Variants in PPIP5K2 observed in about 807,000 individuals in gnomAD.
PPIP5K2 encodes the protein inositol hexakisphosphate and diphosphoinositol-pentakisphosphate kinase 2.
A neutral mutation model predicts 154.6 loss-of-function variants in PPIP5K2; 105 were observed. The ratio of observed to expected loss-of-function variants is 0.68; its 90% CI spans 0.58 to 0.80. The LOEUF (loss-of-function observed/expected upper bound fraction) is 0.80, where lower values mean the gene tolerates loss of function less well. PPIP5K2 is among the 30% of genes least tolerant of loss of function. The pLI is 0.00. For missense variants in PPIP5K2, 992 were observed against 1,504.6 expected, an observed-to-expected ratio of 0.66 and a Z score of 5.64; for synonymous variants, 480 against 490.3, an observed-to-expected ratio of 0.98 and a Z score of 0.28.
At chr5:103,141,161 G>A (rs557416652) in intron 5 of PPIP5K2, among the ~76,000 whole-genome samples, 4 of 152,314 alleles carry the variant, frequency 2.6e-5, no homozygotes, top group South Asian at 4.1e-4. Flanking sequence ...GTGAAACCCC[G>A]TCTTGTGTCC....
At chr5:103,176,840 G>A (rs1554221083) in intron 21 of PPIP5K2, 2 of 1,299,472 alleles carry the variant, frequency 1.5e-6, no homozygotes, top group East Asian at 5.3e-5. Context: ...TTTCAGTTCT[G>A]ATGCTCTATG....
Position 103,131,490 on chromosome 5 carries a change from A to C in PPIP5K2, c.114+1787A>C, listed in dbSNP as rs1346169029. Among the ~76,000 whole-genome samples the C allele has an allele frequency of 2.0e-5, 3 of 152,216 alleles. No homozygotes were observed. The East Asian group carries it at 5.8e-4, about 29-fold the overall frequency. ...AATTGAATCCATGGATGTAAAACCCATGGATATGGAGGGCCAACTGTACTT... is the reference window on the plus strand; with the variant it reads ...AATTGAATCCATGGATGTAAAACCCCTGGATATGGAGGGCCAACTGTACTT... On this transcript the variant is annotated intron_variant, in intron 2 of 30. Transcript: ENST00000358359.
intron 30 of PPIP5K2, among the ~76,000 whole-genome samples, chr5:103,199,980 T>C (rs1398676751): frequency 6.6e-6 from 1 of 152,202 alleles, no homozygotes; most frequent in Non-Finnish European, 1.5e-5. Flanking sequence ...TTCTGTTTCT[T>C]AGTATATTAA....
intron 13 of PPIP5K2, 27 bp from the exon 14 acceptor site, chr5:103,155,882 T>G: frequency 2.8e-6 from 4 of 1,418,468 alleles, no homozygotes; most frequent in Non-Finnish European, 4.0e-6. Flanking sequence ...CTACATGTTC[T>G]ATTCTGTTTA....
Position 103,177,698 on chromosome 5 carries a change from T to C in PPIP5K2, c.2561T>C (p.Met854Thr). 1 of 1,610,906 alleles carries C rather than the reference T, an allele frequency of 6.2e-7. No individual in the cohort carries two copies. Among genetic ancestry groups the C allele is most frequent in the Non-Finnish European group, 8.5e-7 (1 of 1,178,682 alleles). Reference protein sequence around the residue: ...ESKDEQWKRAMDYLNVVNELN... With the variant: ...ESKDEQWKRATDYLNVVNELN... ...AAGGATGAACAGTGGAAACGAGCTA[T>C]GGATTATTTAAACGTTGTCAATGAG... The change falls in exon 22 of 31, where the codon ATG (methionine) becomes ACG (threonine). Residue 854 changes from methionine to threonine, a missense_variant. Physicochemically the swap from Met to Thr is moderately conservative, Grantham distance 81 (BLOSUM62 -1). Around this residue, in one of 9 missense-constraint regions of PPIP5K2, gnomAD observed 157 missense variants for 281.2 expected, o/e 0.56. Coordinates refer to ENST00000358359, the MANE Select transcript of PPIP5K2 (RefSeq NM_001276277.3).
chr5:103,201,660 T>C lies in PPIP5K2; in HGVS notation c.*26T>C. On this transcript the variant is annotated 3_prime_UTR_variant, in exon 31 of 31. Transcript: ENST00000358359. ...AATCTTAGCAGAAGCTGGAACTTTT[T>C]ATACTTATAAAAATAGTATGTTCTT... 1 of 1,453,558 alleles carries C rather than the reference T, an allele frequency of 6.9e-7. No individual in the cohort carries two copies. Among genetic ancestry groups the C allele is most frequent in the East Asian group, 2.3e-5 (1 of 43,598 alleles). The allele number at this position is 1,453,558 out of a possible 1,614,324, so 90.0% of individuals were successfully genotyped here. A position where few individuals can be genotyped will look rare whatever the true frequency, so the allele number is the denominator to read the frequency against.
chr5:103,197,795 C>T (rs1802346564), intron 30 of PPIP5K2, among the ~76,000 whole-genome samples: 1 of 151,572 alleles, frequency 6.6e-6, no homozygotes, highest in Non-Finnish European at 1.5e-5. Flanking sequence ...CCAGGCTGGT[C>T]TCGAACTCCT....
intron 10 of PPIP5K2, 125 bp from the exon 11 acceptor site, chr5:103,153,723 A>G (rs1794982986): frequency 3.4e-6 from 2 of 594,040 alleles, no homozygotes; most frequent in Non-Finnish European, 5.8e-6. Context: ...ATTATTCTTC[A>G]TGGGAAAGAT....
intron 24 of PPIP5K2, among the ~76,000 whole-genome samples, chr5:103,180,673 C>A (rs1326827473): frequency 6.6e-6 from 1 of 151,380 alleles, no homozygotes; most frequent in East Asian, 1.9e-4. Flanking sequence ...CATAGTGAAA[C>A]CCCCGTCTCT....
At chr5:103,149,774 G>GCAACCTCTGCCTCC (rs1233839346) in intron 8 of PPIP5K2, among the ~76,000 whole-genome samples, 5 of 150,834 alleles carry the variant, frequency 3.3e-5, no homozygotes, top group South Asian at 4.2e-4. Context: ...TTGGCTCACT[G>GCAACCTCTGCCTCC]CAACCTCTGC....
At chr5:103,144,080 T>C (rs1478978112) in intron 5 of PPIP5K2, among the ~76,000 whole-genome samples, 1 of 152,066 alleles carries the variant, frequency 6.6e-6, no homozygotes, top group African/African-American at 2.4e-5. Context: ...TTCAGTAAAG[T>C]TGCAGGATAC....
intron 5 of PPIP5K2, among the ~76,000 whole-genome samples, chr5:103,145,062 GA>G (rs200742889): frequency 2.7e-3 from 406 of 149,170 alleles, no homozygotes; most frequent in African/African-American, 7.5e-3. Flanking sequence ...AGCTCTATAG[GA>G]AAAAAAAAAT....
At chr5:103,148,622 A>G (rs1404503452) in intron 7 of PPIP5K2, among the ~76,000 whole-genome samples, 1 of 152,144 alleles carries the variant, frequency 6.6e-6, no homozygotes, top group Non-Finnish European at 1.5e-5. Context: ...GCCATACAAG[A>G]TATTTCAGTC....
rs1803485962 is a variant in PPIP5K2 at position 103,205,832 on chromosome 5, T to A, written c.*4198T>A. On this transcript the variant is annotated 3_prime_UTR_variant, in exon 31 of 31. Coordinates refer to ENST00000358359, the MANE Select transcript of PPIP5K2 (RefSeq NM_001276277.3). ...ACTTTTTGTTCTATAAATTGTCAGA[T>A]ATTAAGATTATGACCTATGCTTTAT... The A allele has an allele frequency of 6.6e-6, 1 of 152,212 alleles. No homozygotes were observed. The highest frequency in any genetic ancestry group is 2.1e-4 in the South Asian group (1 of 4,832). The allele number at this position is 152,212 out of a possible 1,614,324, so 9.4% of individuals were successfully genotyped here. A position where few individuals can be genotyped will look rare whatever the true frequency, so the allele number is the denominator to read the frequency against.
Position 103,194,975 on chromosome 5 carries a change from T to A in PPIP5K2, c.3569T>A (p.Leu1190His), listed in dbSNP as rs1801842166. Residue 1190 changes from leucine (L) to histidine (H), a missense_variant, in exon 30 of 31, where the codon CTC becomes CAC. Transcript: ENST00000358359. Reference sequence around the variant, plus strand: ...AATACGTATACACCTGCAAAGATCCTCCCAACACCACCAGCTACCTTAAAG... The same window carrying A: ...AATACGTATACACCTGCAAAGATCCACCCAACACCACCAGCTACCTTAAAG... ...SLNTYTPAKI[L>H]PTPPATLKST... 19 of 1,613,812 alleles carry A rather than the reference T, an allele frequency of 1.2e-5. No individual in the cohort carries two copies. The East Asian group carries it at 4.2e-4, about 36-fold the overall frequency.
intron 17 of PPIP5K2, among the ~76,000 whole-genome samples, chr5:103,165,461 A>G (rs782709366): frequency 2.0e-5 from 3 of 152,114 alleles, no homozygotes; most frequent in Non-Finnish European, 4.4e-5. Context: ...TTTTTTTTAC[A>G]CTAAAATAAT....
rs782033259 is a variant in PPIP5K2, at chr5:103,133,404, T to C, written c.115-49T>C. 16 of 1,516,556 alleles carry C rather than the reference T, an allele frequency of 1.1e-5. No homozygotes were observed. In the East Asian group the frequency reaches 3.7e-4, roughly 35 times the overall value. 93.9% of individuals were successfully genotyped at this position (1,516,556 alleles called of 1,614,324 possible). On this transcript the variant is annotated intron_variant, in intron 2 of 30. Transcript: ENST00000358359. ...AAAACAAATGAAGATAGCTGTACTT[T>C]GGAGTTCATGTAAAGTTAACCCGAT...
chr5:103,153,073 C>T (rs1026317539), intron 10 of PPIP5K2, among the ~76,000 whole-genome samples: 33 of 151,830 alleles, frequency 2.2e-4, no homozygotes, highest in African/African-American at 7.5e-4. Context: ...CATAATTATA[C>T]CAGTATTGCC....
intron 1 of PPIP5K2, among the ~76,000 whole-genome samples, chr5:103,123,569 A>G (rs1353909634): frequency 6.6e-6 from 1 of 152,206 alleles, no homozygotes; most frequent in Non-Finnish European, 1.5e-5. Context: ...AATCAGGTTT[A>G]AGGGATATTT....
Sources: allele counts gnomAD v4.1 joint callset (sites outside exome capture counted in the v4.1 genomes callset), GRCh38; gene constraint gnomAD v4.1.1; regional missense constraint gnomAD v4.1.1; transcripts MANE v1.5; gene names NCBI Gene and HGNC (gene_info 2026-07-23, HGNC 2026-07-21).